Variants in GTF3C5 observed in about 807,000 individuals in gnomAD.
The protein encoded by GTF3C5 is general transcription factor 3C polypeptide 5.
Under a neutral mutation model 61.0 loss-of-function variants are expected in GTF3C5, and 47 were observed. That is an observed-to-expected ratio of 0.77 (90% CI 0.61 to 0.98). GTF3C5 has a LOEUF of 0.98. Ranked by LOEUF, GTF3C5 falls within the 50% of genes least tolerant of loss-of-function variation. The probability of loss-of-function intolerance (pLI) is 0.00; values close to 1 mark genes in which losing one functional copy is unlikely to be tolerated. For missense variants in GTF3C5, 659 were observed against 703.3 expected (o/e 0.94, Z 0.71); for synonymous variants, 295 against 275.4 (o/e 1.07, Z -0.71).
rs1209237833 is a variant in GTF3C5, at chr9:133,046,740, T to C, written c.572+2814T>C. On this transcript the variant is annotated intron_variant, in intron 3 of 10. Transcript: ENST00000372097. ...AGTGGGCCACACTGGTGGAAGGCAG[T>C]GGGCCGGGGCTACAGGTAGCAGCGA... 2.0e-5 allele frequency among the ~76,000 whole-genome samples: 3 copies of C among 152,190 alleles called. No homozygotes were observed. In the East Asian group the frequency reaches 5.8e-4, roughly 29 times the overall value.
upstream of GTF3C5, chr9:133,030,945 A>G: frequency 1.3e-6 from 2 of 1,553,204 alleles, no homozygotes; most frequent in Admixed American, 1.7e-5. Flanking sequence ...TCGCGGAACA[A>G]TTGAGGCGAG....
intron 6 of GTF3C5, 123 bp downstream of exon 6, chr9:133,054,065 T>A (rs1829844058): frequency 1.4e-6 from 1 of 706,876 alleles, no homozygotes; most frequent in African/African-American, 1.8e-5. Context: ...TTGCCCCCGT[T>A]GCTGAGACTC....
At position 133,057,963 on chromosome 9, in the gene GTF3C5, A is replaced by G. The variant is rs936740208; in HGVS notation, c.1543A>G (p.Ile515Val). ...DGSENEMETE[I>V]LDYV is the part of the protein sequence containing the mutation. ...CAGTGAAAACGAAATGGAGACAGAG[A>G]TTCTGGACTACGTGTGACAGGGCCC... Residue 515 changes from isoleucine (I) to valine (V), a missense_variant, in exon 11 of 11, where the codon ATT becomes GTT. Ile to Val is a conservative substitution (Grantham distance 29). Coordinates refer to ENST00000372097, the MANE Select transcript of GTF3C5 (RefSeq NM_012087.4). 6.2e-7 allele frequency: 1 copy of G among 1,613,930 alleles called. No individual in the cohort carries two copies. Among genetic ancestry groups the G allele is most frequent in the Non-Finnish European group, 8.5e-7 (1 of 1,180,002 alleles).
At chr9:133,045,885 C>T (rs112796903) in intron 3 of GTF3C5, among the ~76,000 whole-genome samples, 4,528 of 152,278 alleles carry the variant, frequency 0.03, 212 homozygotes, top group African/African-American at 0.097. Flanking sequence ...GATCCGCCCA[C>T]CTCAGCCTCC....
chr9:133,031,168 A>G lies in GTF3C5; in HGVS notation c.153+4A>G. On this transcript the variant is annotated splice_donor_region_variant and intron_variant, in intron 1 of 10. Transcript: ENST00000372097. ...CGGCGAGGAAGGCGTCTCCCGGGTA[A>G]GGGGCTGGGAATCTCGGTGTTGGAA... 6.4e-7 allele frequency: 1 copy of G among 1,559,480 alleles called. No individual in the cohort carries two copies. The highest frequency in any genetic ancestry group is 8.7e-7 in the Non-Finnish European group (1 of 1,151,778).
At chr9:133,056,168 T>G in intron 9 of GTF3C5, 74 bp downstream of exon 9, 3 of 1,249,672 alleles carry the variant, frequency 2.4e-6, no homozygotes, top group Non-Finnish European at 2.3e-6. Context: ...CTCTGAACTC[T>G]TCCACTTCAC....
intron 1 of GTF3C5, among the ~76,000 whole-genome samples, chr9:133,033,014 C>T (rs1464505195): frequency 6.6e-6 from 1 of 152,160 alleles, no homozygotes; most frequent in Non-Finnish European, 1.5e-5. Flanking sequence ...TTTTCCCAAG[C>T]CATTTGACTG....
intron 10 of GTF3C5, 94 bp downstream of exon 10, chr9:133,057,002 C>A: frequency 8.0e-7 from 1 of 1,244,010 alleles, no homozygotes; most frequent in Non-Finnish European, 1.1e-6. Context: ...TGGGAAATGG[C>A]ACCCAGGTGG....
chr9:133,034,391 G>C (rs1849810160), intron 1 of GTF3C5, among the ~76,000 whole-genome samples: 1 of 152,134 alleles, frequency 6.6e-6, no homozygotes, highest in Admixed American at 6.5e-5. Context: ...ATCTGCACGG[G>C]GTAAGAACAA....
chr9:133,058,306 G>T lies in GTF3C5; in HGVS notation c.*326G>T. Reference sequence around the variant, plus strand: ...CCAGTAAATGCCGGAGGTGGAGCTGGGCAGCTGTGGAGCCCCAGGCCACAG... The same window carrying T: ...CCAGTAAATGCCGGAGGTGGAGCTGTGCAGCTGTGGAGCCCCAGGCCACAG... On this transcript the variant is annotated 3_prime_UTR_variant, in exon 11 of 11. Coordinates refer to ENST00000372097, the MANE Select transcript of GTF3C5 (RefSeq NM_012087.4). 2.9e-6 allele frequency: 1 copy of T among 345,768 alleles called. No homozygotes were observed. Among genetic ancestry groups the T allele is most frequent in the East Asian group, 1.1e-4 (1 of 9,334 alleles). The allele number at this position is 345,768 out of a possible 1,614,324, so 21.4% of individuals were successfully genotyped here. A position where few individuals can be genotyped will look rare whatever the true frequency, so the allele number is the denominator to read the frequency against.
At chr9:133,046,887 C>A (rs779297464) in intron 3 of GTF3C5, among the ~76,000 whole-genome samples, 2 of 152,078 alleles carry the variant, frequency 1.3e-5, no homozygotes, top group Non-Finnish European at 2.9e-5. Flanking sequence ...CTGCTGTGCC[C>A]CAGAGCAGGT....
chr9:133,031,256 C>G (rs1426236360), intron 1 of GTF3C5, 92 bp downstream of exon 1: 2 of 1,158,972 alleles, frequency 1.7e-6, no homozygotes, highest in African/African-American at 1.5e-5. Context: ...GGAAATTTAG[C>G]AAATTTACTT....
chr9:133,054,375 C>A, intron 6 of GTF3C5, 33 bp from the exon 7 acceptor site: 2 of 1,588,514 alleles, frequency 1.3e-6, no homozygotes, highest in Non-Finnish European at 1.7e-6. Context: ...GGCCCTGTGC[C>A]CGCCCACCTG....
At chr9:133,050,748 G>A (rs758855086) in intron 3 of GTF3C5, 35 bp from the exon 4 acceptor site, 6 of 1,526,884 alleles carry the variant, frequency 3.9e-6, no homozygotes, top group Non-Finnish European at 5.4e-6. Flanking sequence ...GATGGCCTTG[G>A]TGCTCCTGTT....
intron 1 of GTF3C5, among the ~76,000 whole-genome samples, chr9:133,041,449 T>C (rs1203158978): frequency 6.6e-6 from 1 of 151,702 alleles, no homozygotes; most frequent in African/African-American, 2.4e-5. Context: ...AGTAATGGCA[T>C]AAGCTGTCTC....
chr9:133,035,726 G>A (rs1371515818), intron 1 of GTF3C5, among the ~76,000 whole-genome samples: 2 of 152,194 alleles, frequency 1.3e-5, no homozygotes, highest in African/African-American at 4.8e-5. Context: ...CAGCTTGTTT[G>A]GCTATTTGAT....
chr9:133,051,210 G>A (rs1012215348), intron 4 of GTF3C5, among the ~76,000 whole-genome samples: 3 of 152,230 alleles, frequency 2.0e-5, no homozygotes, highest in East Asian at 1.9e-4. Context: ...AAAAATATGC[G>A]TGCGTTGTTC....
intron 1 of GTF3C5, among the ~76,000 whole-genome samples, chr9:133,038,334 G>A (rs1020792820): frequency 1.4e-4 from 22 of 152,096 alleles, no homozygotes; most frequent in African/African-American, 5.3e-4. Context: ...GCAACGGAGA[G>A]TGTGGTGGAC....
At chr9:133,055,149 C>G in intron 8 of GTF3C5, 1 of 1,545,750 alleles carries the variant, frequency 6.5e-7, no homozygotes. Context: ...ATTGGGCACA[C>G]ACAGGAGGAC....
Sources: gnomAD v4.1 joint callset for allele counts (sites outside exome capture counted in the v4.1 genomes callset) on GRCh38, gnomAD v4.1.1 for gene constraint, MANE v1.5 for transcripts, NCBI Gene and HGNC (gene_info 2026-07-23, HGNC 2026-07-21) for gene names.